CADM2: variants seen among roughly 807,000 people sequenced by gnomAD.
The protein encoded by CADM2 is cell adhesion molecule 2, also known as immunoglobulin superfamily member 4D.
A neutral mutation model predicts 49.8 loss-of-function variants in CADM2; 12 were observed. That is an observed-to-expected ratio of 0.24 (90% CI 0.15 to 0.39). The LOEUF is 0.39. Ranked by LOEUF, CADM2 falls within the 10% of genes least tolerant of loss-of-function variation. CADM2 has a pLI of 1.00. For synonymous variants in CADM2, 214 were observed against 175.4 expected (o/e 1.22, Z -1.74); for missense variants, 378 against 492.3 (o/e 0.77, Z 2.20).
At chr3:85,705,406 T>C (rs1490547356) in intron 1 of CADM2, among the ~76,000 whole-genome samples, 7 of 152,200 alleles carry the variant, frequency 4.6e-5, no homozygotes, top group African/African-American at 1.7e-4. Flanking sequence ...GCATACCTTG[T>C]TCAAGTTCAC....
intron 8 of CADM2, among the ~76,000 whole-genome samples, chr3:86,017,166 GTGTATATA>G (rs1577961089): frequency 1.9e-5 from 2 of 105,100 alleles, no homozygotes; most frequent in East Asian, 5.0e-4. Context: ...GTGTGTGTGT[GTGTATATA>G]TATATATATA....
chr3:85,691,404 G>C (rs997560949), intron 1 of CADM2, among the ~76,000 whole-genome samples: 1 of 152,018 alleles, frequency 6.6e-6, no homozygotes, highest in Non-Finnish European at 1.5e-5. Flanking sequence ...TAAACATTTC[G>C]CAATATTCTT....
intron 8 of CADM2, among the ~76,000 whole-genome samples, chr3:85,987,386 G>A (rs190482174): frequency 6.6e-6 from 1 of 151,078 alleles, no homozygotes; most frequent in Non-Finnish European, 1.5e-5. Flanking sequence ...AAATAAACAG[G>A]TCTATTTATA....
chr3:85,063,106 T>C (rs895275443), intron 1 of CADM2, among the ~76,000 whole-genome samples: 7 of 151,904 alleles, frequency 4.6e-5, no homozygotes. Flanking sequence ...AATAATAATT[T>C]TTAGGTTTTT....
At chr3:85,216,519 T>G (rs1048039377) in intron 1 of CADM2, among the ~76,000 whole-genome samples, 2 of 151,732 alleles carry the variant, frequency 1.3e-5, no homozygotes, top group African/African-American at 2.4e-5. Flanking sequence ...ATTAAAAAAA[T>G]TACAGAAGAC....
intron 1 of CADM2, among the ~76,000 whole-genome samples, chr3:84,965,617 A>T (rs2107060730): frequency 6.6e-6 from 1 of 152,298 alleles, no homozygotes; most frequent in Non-Finnish European, 1.5e-5. Context: ...GGTCAGTTTA[A>T]TGAAGATGAA....
At chr3:85,243,805 A>G (rs1313622491) in intron 1 of CADM2, among the ~76,000 whole-genome samples, 1 of 152,216 alleles carries the variant, frequency 6.6e-6, no homozygotes, top group East Asian at 1.9e-4. Flanking sequence ...TGGACTTTTC[A>G]TGATCCTCTT....
intron 3 of CADM2, among the ~76,000 whole-genome samples, chr3:85,820,570 T>C (rs1437540868): frequency 1.3e-5 from 2 of 152,158 alleles, no homozygotes; most frequent in Non-Finnish European, 2.9e-5. Flanking sequence ...TTCATGGCTT[T>C]TGACTTGAAC....
chr3:86,026,329 C>G (rs1733898236), intron 8 of CADM2, among the ~76,000 whole-genome samples: 1 of 151,306 alleles, frequency 6.6e-6, no homozygotes, highest in Non-Finnish European at 1.5e-5. Context: ...GTTTTAGCCC[C>G]AACTATGCCA....
At chr3:85,752,480 A>G (rs1413290876) in intron 2 of CADM2, among the ~76,000 whole-genome samples, 3 of 148,170 alleles carry the variant, frequency 2.0e-5, no homozygotes, top group African/African-American at 7.6e-5. Flanking sequence ...GTGCACACAC[A>G]CACACACACA....
intron 3 of CADM2, among the ~76,000 whole-genome samples, chr3:85,835,003 C>T (rs545740048): frequency 2.0e-4 from 30 of 151,732 alleles, no homozygotes; most frequent in African/African-American, 6.7e-4. Context: ...CTTGCACACG[C>T]ATGTGTGTGT....
rs943966593 is a variant in CADM2, at chr3:85,121,781, A to G, written c.61+162113A>G. Among the ~76,000 whole-genome samples, 10 of 152,116 alleles carry G rather than the reference A, an allele frequency of 6.6e-5. No homozygotes were observed. In the East Asian group the frequency reaches 1.7e-3, roughly 26 times the overall value. On this transcript the variant is annotated intron_variant, in intron 1 of 9. Transcript: ENST00000383699. ...CCCTAACTACAGTAGTCATTTACCTATCTTCTTAAGCCTCCTACTCAATCA... is the reference window on the plus strand; with the variant it reads ...CCCTAACTACAGTAGTCATTTACCTGTCTTCTTAAGCCTCCTACTCAATCA...
chr3:85,556,931 T>G (rs1576796832), intron 1 of CADM2, among the ~76,000 whole-genome samples: 1 of 152,178 alleles, frequency 6.6e-6, no homozygotes, highest in East Asian at 1.9e-4. Context: ...CATGAACAAA[T>G]TTGAAAAGTA....
chr3:85,226,822 T>C (rs1051945493), intron 1 of CADM2, among the ~76,000 whole-genome samples: 1 of 152,224 alleles, frequency 6.6e-6, no homozygotes, highest in African/African-American at 2.4e-5. Flanking sequence ...TTCTGGTACA[T>C]TGTGTCTTTG....
intron 1 of CADM2, among the ~76,000 whole-genome samples, chr3:85,569,713 A>AG (rs2062421771): frequency 1.5e-5 from 2 of 133,524 alleles, no homozygotes; most frequent in African/African-American, 5.0e-5. Context: ...AAAAAAAAAA[A>AG]AGAAAAAAAA....
intron 1 of CADM2, among the ~76,000 whole-genome samples, chr3:85,639,372 A>G (rs140683144): frequency 6.6e-6 from 1 of 152,316 alleles, no homozygotes; most frequent in African/African-American, 2.4e-5. Flanking sequence ...TCCCGTGTTT[A>G]CTGTAACATC....
At chr3:85,336,173 G>A (rs796897512) in intron 1 of CADM2, among the ~76,000 whole-genome samples, 8 of 151,382 alleles carry the variant, frequency 5.3e-5, no homozygotes, top group African/African-American at 1.9e-4. Context: ...TTACTGCCCT[G>A]CCTTATAGCT....
chr3:85,040,571 TCAAA>T (rs1197414815), intron 1 of CADM2, among the ~76,000 whole-genome samples: 1 of 151,944 alleles, frequency 6.6e-6, no homozygotes, highest in African/African-American at 2.4e-5. Flanking sequence ...TTAAGCCATC[TCAAA>T]CAAACAAACA....
At chr3:85,398,902 G>A (rs1306162343) in intron 1 of CADM2, among the ~76,000 whole-genome samples, 1 of 152,048 alleles carries the variant, frequency 6.6e-6, no homozygotes, top group Non-Finnish European at 1.5e-5. Context: ...CTGGATAGTA[G>A]CCCTTTGTCA....
Sources: gnomAD v4.1 joint callset for allele counts (sites outside exome capture counted in the v4.1 genomes callset) on GRCh38, gnomAD v4.1.1 for gene constraint, MANE v1.5 for transcripts, NCBI Gene and HGNC (gene_info 2026-07-23, HGNC 2026-07-21) for gene names.